Variants in ZFYVE9 observed in about 807,000 individuals in gnomAD.
ZFYVE9 encodes zinc finger FYVE domain-containing protein 9.
A neutral mutation model predicts 126.7 loss-of-function variants in ZFYVE9; 43 were observed. That is an observed-to-expected ratio of 0.34 (90% confidence interval 0.27 to 0.44). The LOEUF (loss-of-function observed/expected upper bound fraction) is 0.44. Ranked by LOEUF, ZFYVE9 falls within the 20% of genes least tolerant of loss-of-function variation. The pLI is 1.00. For synonymous variants in ZFYVE9, 521 were observed against 597.4 expected, an observed-to-expected ratio of 0.87 and a Z score of 1.87; for missense variants, 1,476 against 1,697.0, an observed-to-expected ratio of 0.87 and a Z score of 2.29.
intron 3 of ZFYVE9, 89 bp from the exon 4 acceptor site, chr1:52,237,399 T>A: frequency 8.3e-7 from 1 of 1,199,102 alleles, no homozygotes; most frequent in Non-Finnish European, 1.1e-6. Context: ...TATTTAATTT[T>A]CAAACGATAG....
At chr1:52,203,162 CG>C in intron 1 of ZFYVE9, among the ~76,000 whole-genome samples, 1 of 151,570 alleles carries the variant, frequency 6.6e-6, no homozygotes, top group South Asian at 2.1e-4. Flanking sequence ...TTTACTCCTC[CG>C]TAGGTATAGT....
chr1:52,304,134 T>C (rs1310538140), intron 13 of ZFYVE9, among the ~76,000 whole-genome samples: 1 of 152,204 alleles, frequency 6.6e-6, no homozygotes, highest in Non-Finnish European at 1.5e-5. Context: ...TGTGTCATTT[T>C]ACCTTTTGAT....
At chr1:52,148,251 G>A (rs1443500997) in intron 1 of ZFYVE9, among the ~76,000 whole-genome samples, 1 of 151,970 alleles carries the variant, frequency 6.6e-6, no homozygotes, top group African/African-American at 2.4e-5. Flanking sequence ...GAGGTGGGCC[G>A]ATCGCCTGAG....
chr1:52,218,919 G>T (rs989417717), intron 2 of ZFYVE9, among the ~76,000 whole-genome samples: 1 of 152,126 alleles, frequency 6.6e-6, no homozygotes, highest in East Asian at 1.9e-4. Flanking sequence ...AGTGGGGATA[G>T]GGTCAGTGGA....
intron 13 of ZFYVE9, among the ~76,000 whole-genome samples, chr1:52,320,119 G>C (rs577255611): frequency 6.7e-6 from 1 of 150,144 alleles, no homozygotes; most frequent in Non-Finnish European, 1.5e-5. Context: ...TGCCCAGGCT[G>C]GAGTGCAATG....
chr1:52,166,867 C>T (rs1390884247), intron 1 of ZFYVE9, among the ~76,000 whole-genome samples: 1 of 152,172 alleles, frequency 6.6e-6, no homozygotes, highest in East Asian at 1.9e-4. Flanking sequence ...TGCCACTGCA[C>T]TCCAGCCTGG....
intron 1 of ZFYVE9, among the ~76,000 whole-genome samples, chr1:52,182,915 T>C (rs906916112): frequency 6.6e-6 from 1 of 152,070 alleles, no homozygotes; most frequent in East Asian, 1.9e-4. Flanking sequence ...TTTTGACATA[T>C]AACTATAAAA....
Position 52,238,456 on chromosome 1 carries a change from A to C in ZFYVE9, c.1039A>C (p.Asn347His), listed in dbSNP as rs1260111216. The change falls in exon 4 of 19, where the codon AAT becomes CAT. Residue 347 changes from asparagine to histidine, a missense_variant. By Grantham distance (68) the Asn-to-His change is moderately conservative. Coordinates refer to ENST00000287727, the MANE Select transcript of ZFYVE9 (RefSeq NM_004799.4). ...LPLLLKPDMP[N>H]GSGRNNDCER... ...TTTGCTTCTCAAACCAGACATGCCTAATGGGTCTGGAAGGAATAATGACTG... is the reference window on the plus strand; with the variant it reads ...TTTGCTTCTCAAACCAGACATGCCTCATGGGTCTGGAAGGAATAATGACTG... The C allele has an allele frequency of 1.2e-6, 2 of 1,613,998 alleles. No homozygotes were observed. The highest frequency in any genetic ancestry group is 1.1e-5 in the South Asian group (1 of 91,088).
chr1:52,201,097 A>G (rs1035196604), intron 1 of ZFYVE9, among the ~76,000 whole-genome samples: 1 of 152,208 alleles, frequency 6.6e-6, no homozygotes, highest in East Asian at 1.9e-4. Context: ...TGACAATATT[A>G]AGTCTTTCTG....
intron 10 of ZFYVE9, among the ~76,000 whole-genome samples, chr1:52,289,469 A>G (rs2147825355): frequency 6.6e-6 from 1 of 152,304 alleles, no homozygotes; most frequent in South Asian, 2.1e-4. Flanking sequence ...CAGGTCACTT[A>G]GAAGCAAGAT....
chr1:52,316,183 A>AAT (rs1557516485), intron 13 of ZFYVE9, among the ~76,000 whole-genome samples: 1 of 147,402 alleles, frequency 6.8e-6, no homozygotes, highest in South Asian at 2.1e-4. Flanking sequence ...AAAAAAAAAA[A>AAT]AAAAAAAGAA....
At chr1:52,273,733 C>T (rs1276035675) in intron 7 of ZFYVE9, among the ~76,000 whole-genome samples, 1 of 147,480 alleles carries the variant, frequency 6.8e-6, no homozygotes, top group Non-Finnish European at 1.5e-5. Context: ...GAGGCTGAGG[C>T]AGGAGAATTG....
At chr1:52,229,784 C>T (rs527370165) in intron 2 of ZFYVE9, among the ~76,000 whole-genome samples, 3 of 151,826 alleles carry the variant, frequency 2.0e-5, no homozygotes, top group African/African-American at 4.8e-5. Context: ...TTTTAAGGAC[C>T]AAGAATGGGG....
intron 12 of ZFYVE9, among the ~76,000 whole-genome samples, chr1:52,299,022 A>C (rs1646006959): frequency 6.6e-6 from 1 of 151,784 alleles, no homozygotes; most frequent in African/African-American, 2.4e-5. Flanking sequence ...GTTAGCCAGG[A>C]TGGTCTCGAT....
chr1:52,277,999 T>C (rs1246187971), intron 8 of ZFYVE9, among the ~76,000 whole-genome samples: 1 of 152,164 alleles, frequency 6.6e-6, no homozygotes, highest in Non-Finnish European at 1.5e-5. Context: ...TTTTTTAAAG[T>C]TTAAGTTTTT....
intron 1 of ZFYVE9, among the ~76,000 whole-genome samples, chr1:52,153,705 C>T (rs1644377208): frequency 6.6e-6 from 1 of 152,246 alleles, no homozygotes; most frequent in Non-Finnish European, 1.5e-5. Flanking sequence ...CAGGCTGCAG[C>T]TGTAAATTGT....
At chr1:52,250,448 C>CT (rs1172171466) in intron 4 of ZFYVE9, among the ~76,000 whole-genome samples, 1 of 152,028 alleles carries the variant, frequency 6.6e-6, no homozygotes, top group East Asian at 1.9e-4. Flanking sequence ...ATGCAATGGA[C>CT]TTTTTTGTTG....
chr1:52,239,073 T>C lies in ZFYVE9; in HGVS notation c.1656T>C (p.Ser552=). Residue 552 remains serine (S), a synonymous_variant, in exon 4 of 19, where the codon AGT becomes AGC. Transcript: ENST00000287727. ...AAAATTATTTACATAATTTCTGTAGTCAAGTTCCATCAGTGCTTGGGCAAT... is the reference window on the plus strand; with the variant it reads ...AAAATTATTTACATAATTTCTGTAGCCAAGTTCCATCAGTGCTTGGGCAAT... ...MKKNYLHNFC[S]QVPSVLGQSS... 8 of 1,614,120 alleles carry C rather than the reference T, an allele frequency of 5.0e-6. No homozygotes were observed. The highest frequency in any genetic ancestry group is 6.8e-6 in the Non-Finnish European group (8 of 1,179,992).
At chr1:52,245,757 A>G (rs994748371) in intron 4 of ZFYVE9, among the ~76,000 whole-genome samples, 18 of 152,260 alleles carry the variant, frequency 1.2e-4, no homozygotes, top group African/African-American at 4.3e-4. Context: ...TCCCTAATTA[A>G]CATTGAAGAA....
Sources: gnomAD v4.1 joint callset for allele counts (sites outside exome capture counted in the v4.1 genomes callset) on GRCh38, gnomAD v4.1.1 for gene constraint, MANE v1.5 for transcripts, NCBI Gene and HGNC (gene_info 2026-07-23, HGNC 2026-07-21) for gene names.